Variants in RSRC1 observed in about 807,000 individuals in gnomAD.
RSRC1 encodes arginine and serine rich coiled-coil 1.
In RSRC1, 39 loss-of-function variants were observed where a neutral mutation model predicts 49.1. The ratio of observed to expected loss-of-function variants is 0.79; its 90% confidence interval spans 0.61 to 1.04. The LOEUF (loss-of-function observed/expected upper bound fraction) is 1.04, where lower values mean the gene tolerates loss of function less well. Ranked by LOEUF, RSRC1 falls within the 50% of genes least tolerant of loss-of-function variation. RSRC1 has a pLI of 0.00. For missense variants in RSRC1, 388 were observed against 402.4 expected (o/e 0.96, Z 0.31); for synonymous variants, 143 against 130.8 (o/e 1.09, Z -0.63).
intron 6 of RSRC1, among the ~76,000 whole-genome samples, chr3:158,444,093 G>C (rs1219898874): frequency 6.6e-6 from 1 of 152,040 alleles, no homozygotes; most frequent in African/African-American, 2.4e-5. Flanking sequence ...TGTAATAATA[G>C]CTAAAAAGCT....
intron 4 of RSRC1, among the ~76,000 whole-genome samples, chr3:158,251,041 A>G (rs1160451674): frequency 1.3e-5 from 2 of 152,144 alleles, no homozygotes; most frequent in Non-Finnish European, 2.9e-5. Context: ...GCCTAGTTTC[A>G]TTCTTCTGCA....
At chr3:158,482,839 A>G (rs1738669957) in intron 7 of RSRC1, among the ~76,000 whole-genome samples, 1 of 152,006 alleles carries the variant, frequency 6.6e-6, no homozygotes, top group African/African-American at 2.4e-5. Flanking sequence ...TTTTTATTGT[A>G]ATTGTATTGC....
At chr3:158,282,664 G>A (rs190741750) in intron 4 of RSRC1, among the ~76,000 whole-genome samples, 133 of 152,274 alleles carry the variant, frequency 8.7e-4, no homozygotes, top group Non-Finnish European at 1.5e-3. Flanking sequence ...AAATTGTTAT[G>A]AACATAGTCA....
chr3:158,133,821 T>C (rs991293458), intron 3 of RSRC1, among the ~76,000 whole-genome samples: 2 of 152,260 alleles, frequency 1.3e-5, no homozygotes, highest in African/African-American at 4.8e-5. Context: ...GGAATACTTA[T>C]GCAGAGATGT....
chr3:158,322,610 G>T (rs1728826958), intron 5 of RSRC1, among the ~76,000 whole-genome samples: 3 of 152,090 alleles, frequency 2.0e-5, no homozygotes, highest in Admixed American at 2.0e-4. Context: ...GAGTTCATTG[G>T]TCTTCAGTTA....
intron 6 of RSRC1, among the ~76,000 whole-genome samples, chr3:158,418,471 C>G (rs1374403403): frequency 1.3e-5 from 2 of 151,868 alleles, no homozygotes; most frequent in Non-Finnish European, 2.9e-5. Flanking sequence ...CTCTTAGAAG[C>G]CTGAAGTGCA....
chr3:158,445,439 G>A lies in RSRC1; in HGVS notation c.584-15496G>A, dbSNP rs548560233. On this transcript the variant is annotated intron_variant, in intron 6 of 9. Transcript: ENST00000611884. Reference sequence around the variant, plus strand: ...AAACACCACATGTTCTCACTCATAGGTGGGAATTGAACAATGAGAACACTT... The same window carrying A: ...AAACACCACATGTTCTCACTCATAGATGGGAATTGAACAATGAGAACACTT... Among the ~76,000 whole-genome samples the A allele has an allele frequency of 1.1e-3, 168 of 152,154 alleles. 1 individual carries two copies. Among genetic ancestry groups the A allele is most frequent in the African/African-American group, 4.0e-3 (164 of 41,492 alleles).
At chr3:158,330,258 C>T (rs903193524) in intron 5 of RSRC1, among the ~76,000 whole-genome samples, 5 of 152,338 alleles carry the variant, frequency 3.3e-5, no homozygotes, top group Non-Finnish European at 4.4e-5. Context: ...CACTGTCTGA[C>T]GAGCCCCAGT....
intron 4 of RSRC1, among the ~76,000 whole-genome samples, chr3:158,242,032 C>CTTTTTT (rs34356543): frequency 2.3e-4 from 15 of 66,632 alleles, no homozygotes; most frequent in East Asian, 6.0e-4. Context: ...AATTTCCAAC[C>CTTTTTT]TTTTTTTTTT....
chr3:158,333,950 T>C (rs997417899), intron 5 of RSRC1, among the ~76,000 whole-genome samples: 13 of 152,158 alleles, frequency 8.5e-5, no homozygotes, highest in Admixed American at 6.5e-5. Context: ...ATTGCAACAC[T>C]ACAGAAGGAT....
chr3:158,291,655 A>T (rs1016440186), intron 4 of RSRC1, among the ~76,000 whole-genome samples: 4 of 152,216 alleles, frequency 2.6e-5, no homozygotes, highest in Non-Finnish European at 4.4e-5. Context: ...ATGTAGATGC[A>T]AAATATTGAT....
intron 8 of RSRC1, among the ~76,000 whole-genome samples, chr3:158,542,242 A>C (rs1713070527): frequency 6.6e-6 from 1 of 152,186 alleles, no homozygotes. Context: ...CCTTAAAAAC[A>C]TTATGTGGCT....
intron 3 of RSRC1, among the ~76,000 whole-genome samples, chr3:158,194,466 C>T (rs572208129): frequency 9.9e-4 from 146 of 146,980 alleles, no homozygotes; most frequent in African/African-American, 3.4e-3. Context: ...TTGTGCTGGA[C>T]GAGGAGCTTC....
intron 6 of RSRC1, among the ~76,000 whole-genome samples, chr3:158,408,538 T>G (rs12107104): frequency 0.5 from 76,053 of 151,902 alleles, 19,320 homozygotes; most frequent in South Asian, 0.6. Flanking sequence ...AGAAAAAAAA[T>G]GAGCAAATTT....
intron 3 of RSRC1, among the ~76,000 whole-genome samples, chr3:158,135,272 A>ATTTTTT (rs10626579): frequency 6.9e-6 from 1 of 144,282 alleles, no homozygotes; most frequent in Non-Finnish European, 1.5e-5. Flanking sequence ...TTATAGTGTA[A>ATTTTTT]TTTTTTTTTT....
chr3:158,254,735 T>G (rs916350147), intron 4 of RSRC1, among the ~76,000 whole-genome samples: 2 of 152,110 alleles, frequency 1.3e-5, no homozygotes, highest in African/African-American at 4.8e-5. Context: ...CCTGGCCGTT[T>G]CCTGACTTTT....
chr3:158,534,971 T>G (rs1353102315), intron 7 of RSRC1, among the ~76,000 whole-genome samples: 3 of 151,386 alleles, frequency 2.0e-5, no homozygotes, highest in Non-Finnish European at 3.0e-5. Context: ...GAGTAAGAAC[T>G]AGGGACATTC....
intron 7 of RSRC1, among the ~76,000 whole-genome samples, chr3:158,470,723 A>G (rs1350630455): frequency 6.6e-6 from 1 of 152,202 alleles, no homozygotes; most frequent in Non-Finnish European, 1.5e-5. Flanking sequence ...TGTATATAAA[A>G]CCATAATCTA....
chr3:158,185,030 CT>C (rs10706401), intron 3 of RSRC1, among the ~76,000 whole-genome samples: 105,902 of 151,556 alleles, frequency 0.7, 37,471 homozygotes, highest in East Asian at 0.84. Context: ...TGTTTTAAAT[CT>C]TTTTTTTGAT....
Sources: allele counts gnomAD v4.1 joint callset (sites outside exome capture counted in the v4.1 genomes callset), GRCh38; gene constraint gnomAD v4.1.1; transcripts MANE v1.5; gene names NCBI Gene and HGNC (gene_info 2026-07-23, HGNC 2026-07-21).